ZNF514: variants seen among roughly 807,000 people sequenced by gnomAD.
ZNF514 encodes the protein zinc finger protein 514.
ZNF514 carries 12 observed loss-of-function variants against 9.7 expected under a neutral mutation model. The observed-to-expected ratio is 1.24, with a 90% CI of 0.79 to 2.01. The LOEUF (loss-of-function observed/expected upper bound fraction) is 2.01. Ranked by LOEUF, ZNF514 falls within the 30% of genes most tolerant of loss-of-function variation. The pLI is 0.00. For missense variants in ZNF514, 467 were observed against 465.5 expected (o/e 1.00, Z -0.03); for synonymous variants, 158 against 163.7 (o/e 0.97, Z 0.27).
Position 95,159,269 on chromosome 2 carries a change from C to A in ZNF514, c.-125G>T. The A allele has an allele frequency of 4.8e-5, 8 of 165,682 alleles. No individual in the cohort carries two copies. Among genetic ancestry groups the A allele is most frequent in the South Asian group, 1.3e-4 (1 of 7,516 alleles). 10.3% of individuals were successfully genotyped at this position (165,682 alleles called of 1,614,324 possible). Reference sequence around the variant, plus strand: ...GGCTCGGCTCCTCCTCAGGACCAGGCTCTGGAACCCAGCTCCCACGTGGAT... The same window carrying A: ...GGCTCGGCTCCTCCTCAGGACCAGGATCTGGAACCCAGCTCCCACGTGGAT... On this transcript the variant is annotated 5_prime_UTR_variant, in exon 1 of 5. Transcript: ENST00000295208.
At chr2:95,158,389 G>T (rs1471029212) in intron 1 of ZNF514, among the ~76,000 whole-genome samples, 1 of 152,202 alleles carries the variant, frequency 6.6e-6, no homozygotes, top group Non-Finnish European at 1.5e-5. Context: ...GGATTAAAAT[G>T]CCCACCTGGT....
the ZNF514 span, among the ~76,000 whole-genome samples, chr2:95,134,752 T>C: frequency 6.6e-6 from 1 of 152,262 alleles, no homozygotes; most frequent in Non-Finnish European, 1.5e-5. Context: ...TTAGCTTTGA[T>C]GCATTTTGCA....
At chr2:95,127,591 TTTTG>T in the ZNF514 span, among the ~76,000 whole-genome samples, 92 of 152,214 alleles carry the variant, frequency 6.0e-4, no homozygotes, top group African/African-American at 2.0e-3. Flanking sequence ...GTTTTTTTGT[TTTTG>T]TTTTTGTTTT....
chr2:95,150,034 A>C lies in ZNF514; in HGVS notation c.451T>G (p.Tyr151Asp). The change falls in exon 5 of 5, where the codon TAT becomes GAT. Residue 151 changes from tyrosine to aspartate, a missense_variant. By Grantham distance (160) the Tyr-to-Asp change is radical. Transcript: ENST00000295208. ...HKSATTLSRD[Y>D]KWNGFGRSLG... is the part of the protein sequence containing the mutation. ...CTTCTCCCAAATCCATTCCATTTAT[A>C]ATCTCTGCTAAGGGTGGTGGCAGAT... The C allele has an allele frequency of 6.2e-7, 1 of 1,614,204 alleles. No individual in the cohort carries two copies. Among genetic ancestry groups the C allele is most frequent in the Non-Finnish European group, 8.5e-7 (1 of 1,180,044 alleles).
At chr2:95,140,760 G>A (rs1676815324), downstream of ZNF514, among the ~76,000 whole-genome samples, 1 of 151,580 alleles carries the variant, frequency 6.6e-6, no homozygotes, top group South Asian at 2.1e-4. Flanking sequence ...CAGATCACGA[G>A]GTCAGGAGTT....
At chr2:95,132,433 A>T in the ZNF514 span, among the ~76,000 whole-genome samples, 2 of 152,202 alleles carry the variant, frequency 1.3e-5, no homozygotes, top group African/African-American at 4.8e-5. Context: ...ATCCCTACAC[A>T]CCTATCAAAA....
rs777585113 is a variant in ZNF514, at chr2:95,149,745, A to G, written c.740T>C (p.Leu247Pro). ...CGRAFGHISS[L>P]IKHQRTHTGE... ...AGTATGAGTTCTTTGATGTTTAATA[A>G]GGGATGAAATATGACCAAAGGCTCT... The change falls in exon 5 of 5, where the codon CTT becomes CCT. Residue 247 changes from leucine (L) to proline (P), a missense_variant. Physicochemically the swap from Leu to Pro is moderately conservative, Grantham distance 98. Transcript: ENST00000295208. 7 of 1,614,256 alleles carry G rather than the reference A, an allele frequency of 4.3e-6. No individual in the cohort carries two copies. The highest frequency in any genetic ancestry group is 5.9e-6 in the Non-Finnish European group (7 of 1,180,038).
downstream of ZNF514, among the ~76,000 whole-genome samples, chr2:95,141,675 T>G (rs1673235647): frequency 6.6e-6 from 1 of 152,192 alleles, no homozygotes; most frequent in African/African-American, 2.4e-5. Context: ...AGAAAAACTG[T>G]TTTTGAACCT....
chr2:95,157,376 T>C lies in ZNF514; in HGVS notation c.-32A>G. ...CCGAGGCCTGGCTTTCAGGAATGAA[T>C]TGGTTGTTCCCTCTTCTCCTGGGAA... On this transcript the variant is annotated 5_prime_UTR_variant, in exon 2 of 5. Transcript: ENST00000295208. 7.8e-7 allele frequency: 1 copy of C among 1,289,658 alleles called. No individual in the cohort carries two copies. The highest frequency in any genetic ancestry group is 1.0e-6 in the Non-Finnish European group (1 of 988,796). The allele number at this position is 1,289,658 out of a possible 1,614,324, so 79.9% of individuals were successfully genotyped here. A position where few individuals can be genotyped will look rare whatever the true frequency, so the allele number is the denominator to read the frequency against.
chr2:95,139,751 G>C, the ZNF514 span, among the ~76,000 whole-genome samples: 1 of 152,138 alleles, frequency 6.6e-6, no homozygotes, highest in Non-Finnish European at 1.5e-5. Flanking sequence ...ATTTGAGAAG[G>C]ACATGAGATT....
chr2:95,130,819 C>A, the ZNF514 span, among the ~76,000 whole-genome samples: 5 of 152,176 alleles, frequency 3.3e-5, 1 homozygote, highest in East Asian at 9.7e-4. Context: ...ATTACAGGGT[C>A]CTGGAACGAT....
chr2:95,139,966 T>C, the ZNF514 span, among the ~76,000 whole-genome samples: 2 of 151,988 alleles, frequency 1.3e-5, 1 homozygote, highest in Admixed American at 1.3e-4. Context: ...AAAGGATGAG[T>C]TCATGTCATT....
In ZNF514 at chr2:95,149,945, T is replaced by C. The variant is rs1290615168; in HGVS notation, c.540A>G (p.Lys180=). The C allele has an allele frequency of 2.5e-6, 4 of 1,614,124 alleles. No homozygotes were observed. Among genetic ancestry groups the C allele is most frequent in the African/African-American group, 1.3e-5 (1 of 74,936 alleles). ...AAGTCTGCCTGAATTCTGTATCACA[T>C]TTATAAGATCCTTCTCCCATGAGAA... ...HSILMGEGSY[K]CDTEFRQTLG... The change falls in exon 5 of 5, where the codon AAA becomes AAG. Residue 180 remains lysine (K), a synonymous_variant. Transcript: ENST00000295208.
the ZNF514 span, among the ~76,000 whole-genome samples, chr2:95,138,188 A>G: frequency 5.3e-5 from 8 of 152,242 alleles, no homozygotes; most frequent in African/African-American, 1.7e-4. Flanking sequence ...ACGGCCTAAT[A>G]TAGAAAATTG....
chr2:95,134,486 C>T, the ZNF514 span, among the ~76,000 whole-genome samples: 3 of 152,166 alleles, frequency 2.0e-5, no homozygotes, highest in Admixed American at 1.3e-4. Flanking sequence ...ATTTCACCTA[C>T]CACACAATTC....
intron 1 of ZNF514, 147 bp downstream of exon 1, chr2:95,159,093 C>A (rs1221520217): frequency 1.8e-6 from 2 of 1,115,684 alleles, no homozygotes; most frequent in Non-Finnish European, 2.3e-6. Flanking sequence ...GCTGGGGCTG[C>A]CTGGGGGACA....
chr2:95,129,767 A>C, the ZNF514 span, among the ~76,000 whole-genome samples: 1 of 152,148 alleles, frequency 6.6e-6, no homozygotes, highest in Non-Finnish European at 1.5e-5. Flanking sequence ...TAGGAGAGAG[A>C]GTCCACAAGA....
chr2:95,156,161 G>T (rs1322524002), intron 2 of ZNF514, among the ~76,000 whole-genome samples: 1 of 152,198 alleles, frequency 6.6e-6, no homozygotes, highest in African/African-American at 2.4e-5. Flanking sequence ...CTTACTAGGG[G>T]GGTTCCCCCT....
chr2:95,123,914 T>C, the ZNF514 span, among the ~76,000 whole-genome samples: 1 of 152,196 alleles, frequency 6.6e-6, no homozygotes, highest in Non-Finnish European at 1.5e-5. Context: ...AAGATACAGA[T>C]AGGAAGTTGC....
Sources: allele counts gnomAD v4.1 joint callset (sites outside exome capture counted in the v4.1 genomes callset), GRCh38; gene constraint gnomAD v4.1.1; transcripts MANE v1.5; gene names NCBI Gene and HGNC (gene_info 2026-07-23, HGNC 2026-07-21).